The following CEPT1 variants were observed in gnomAD, a reference collection of about 807,000 sequenced individuals.
The protein encoded by CEPT1 is choline/ethanolaminephosphotransferase 1.
A neutral mutation model predicts 42.6 loss-of-function variants in CEPT1; 7 were observed. The observed-to-expected ratio is 0.16, with a 90% confidence interval of 0.09 to 0.31. The LOEUF (loss-of-function observed/expected upper bound fraction) is 0.31. Ranked by LOEUF, CEPT1 falls within the 10% of genes least tolerant of loss-of-function variation. The pLI, the probability that CEPT1 is intolerant of heterozygous loss-of-function variation, is 1.00. For synonymous variants in CEPT1, 171 were observed against 171.9 expected, an observed-to-expected ratio of 0.99 and a Z score of 0.04; for missense variants, 306 against 502.1, an observed-to-expected ratio of 0.61 and a Z score of 3.73.
rs538907688 is a variant in CEPT1 at position 111,182,843 on chromosome 1, T to G, written c.891T>G (p.Ile297Met). The G allele has an allele frequency of 6.2e-7, 1 of 1,613,612 alleles. No homozygotes were observed. Among genetic ancestry groups the G allele is most frequent in the South Asian group, 1.1e-5 (1 of 91,062 alleles). ...CTTTTCTCCATATTGGATCAGTGAT[T>G]ACATTAGCTGCAATGATCTACAAGA... ...LSPFLHIGSV[I>M]TLAAMIYKKS... is the part of the protein sequence containing the mutation. Residue 297 changes from isoleucine (I) to methionine (M), a missense_variant, in exon 7 of 9, where the codon ATT becomes ATG. By Grantham distance (10) the Ile-to-Met change is conservative. This residue lies in a region of CEPT1 where 253 missense variants were observed against 447.3 expected (regional missense o/e 0.57). Coordinates refer to ENST00000357172, the MANE Select transcript of CEPT1 (RefSeq NM_006090.5).
chr1:111,184,174 G>GTAT lies in CEPT1; in HGVS notation c.1132-16_1132-15insATT. 6.2e-7 allele frequency: 1 copy of GTAT among 1,612,604 alleles called. No homozygotes were observed. On this transcript the variant is annotated splice_polypyrimidine_tract_variant and intron_variant, in intron 8 of 8. Transcript: ENST00000357172. ...GAGAGCCTAAACGGGTGCTGAGAAT[G>GTAT]TCTCTTTTCTTTCCAGGTTTTCTCT...
intron 4 of CEPT1, among the ~76,000 whole-genome samples, chr1:111,168,989 A>G (rs955336681): frequency 1.3e-5 from 2 of 152,236 alleles, no homozygotes; most frequent in African/African-American, 2.4e-5. Flanking sequence ...TAGAACCTAT[A>G]CACAGCCTCC....
At position 111,162,455 on chromosome 1, in the gene CEPT1, C is replaced by T. The variant is rs1571136412; in HGVS notation, c.629+1159C>T. On this transcript the variant is annotated intron_variant, in intron 4 of 8. Coordinates refer to ENST00000357172, the MANE Select transcript of CEPT1 (RefSeq NM_006090.5). ...GCAGAGACTGAAATGACTCCTAGTT[C>T]CCTTCCTTGGGTGGCTGGATGAAGG... Among the ~76,000 whole-genome samples the T allele has an allele frequency of 2.0e-5, 3 of 152,272 alleles. No individual in the cohort carries two copies. In the South Asian group the frequency reaches 6.2e-4, roughly 32 times the overall value.
chr1:111,158,380 A>T (rs1170521504), intron 2 of CEPT1, among the ~76,000 whole-genome samples: 2 of 152,136 alleles, frequency 1.3e-5, no homozygotes, highest in African/African-American at 4.8e-5. Context: ...TAATTAATTA[A>T]TTTAATACCA....
intron 1 of CEPT1, among the ~76,000 whole-genome samples, chr1:111,147,055 T>C (rs963880866): frequency 1.3e-5 from 2 of 152,234 alleles, no homozygotes; most frequent in African/African-American, 4.8e-5. Flanking sequence ...GACAAGTTAA[T>C]TAGCCTCACT....
intron 4 of CEPT1, among the ~76,000 whole-genome samples, chr1:111,170,492 T>C (rs1251493574): frequency 6.6e-6 from 1 of 152,212 alleles, no homozygotes; most frequent in East Asian, 1.9e-4. Context: ...TATCTCTCAG[T>C]TGTATGGTTA....
intron 4 of CEPT1, among the ~76,000 whole-genome samples, chr1:111,168,426 T>C (rs1656247818): frequency 1.3e-5 from 2 of 152,108 alleles, no homozygotes; most frequent in South Asian, 4.1e-4. Flanking sequence ...AAAAGAATTG[T>C]AAACATTTTA....
chr1:111,139,765 G>A (rs1254249001), upstream of CEPT1: 2 of 152,478 alleles, frequency 1.3e-5, no homozygotes, highest in Admixed American at 1.3e-4. Flanking sequence ...CAGAAAGGTA[G>A]GGCACGGGGA....
intron 5 of CEPT1, among the ~76,000 whole-genome samples, chr1:111,176,201 G>C (rs12404884): frequency 6.6e-6 from 1 of 152,254 alleles, no homozygotes; most frequent in South Asian, 2.1e-4. Context: ...ATATCATTCA[G>C]TTATGTATCT....
intron 2 of CEPT1, among the ~76,000 whole-genome samples, chr1:111,149,316 G>A (rs1226747525): frequency 7.1e-6 from 1 of 141,176 alleles, no homozygotes; most frequent in East Asian, 2.1e-4. Context: ...AGGCTGGAGT[G>A]CAATGGCACT....
intron 2 of CEPT1, among the ~76,000 whole-genome samples, chr1:111,157,714 T>G (rs1034701687): frequency 3.9e-5 from 6 of 152,230 alleles, no homozygotes; most frequent in Non-Finnish European, 8.8e-5. Flanking sequence ...AGTGGAGGTA[T>G]GTGCTAGCTC....
chr1:111,180,403 A>G (rs1656912500), intron 5 of CEPT1: 1 of 152,250 alleles, frequency 6.6e-6, no homozygotes, highest in East Asian at 1.9e-4. Flanking sequence ...TTTATTGAAC[A>G]AGAGCAGAAA....
intron 2 of CEPT1, among the ~76,000 whole-genome samples, chr1:111,154,464 T>C (rs1289959409): frequency 6.6e-6 from 1 of 152,188 alleles, no homozygotes; most frequent in African/African-American, 2.4e-5. Flanking sequence ...TCCTCTTTTC[T>C]AATGTGAATG....
chr1:111,174,812 C>A, intron 4 of CEPT1, 67 bp from the exon 5 acceptor site: 1 of 957,080 alleles, frequency 1.0e-6, no homozygotes, highest in Non-Finnish European at 1.7e-6. Context: ...TGCTGCTAAG[C>A]TTGCAAGTAA....
chr1:111,181,541 C>CA (rs1485071949), intron 5 of CEPT1: 3 of 152,188 alleles, frequency 2.0e-5, no homozygotes, highest in African/African-American at 7.2e-5. Context: ...ATTTAAACTT[C>CA]AAAATTTTGT....
chr1:111,152,984 A>G (rs907539222), intron 2 of CEPT1, among the ~76,000 whole-genome samples: 27 of 152,068 alleles, frequency 1.8e-4, no homozygotes, highest in African/African-American at 6.0e-4. Context: ...AATATTCCAG[A>G]TCCTCTCTTC....
In CEPT1 at chr1:111,157,549, TA is replaced by T. The variant is rs569055216; in HGVS notation, c.340-1830del. Among the ~76,000 whole-genome samples, 1,218 of 152,356 alleles carry T rather than the reference TA, an allele frequency of 8.0e-3. 16 individuals carry two copies. Among genetic ancestry groups the T allele is most frequent in the African/African-American group, 0.028 (1,168 of 41,580 alleles). On this transcript the variant is annotated intron_variant, in intron 2 of 8. Coordinates refer to ENST00000357172, the MANE Select transcript of CEPT1 (RefSeq NM_006090.5). The stretch of plus-strand genomic sequence containing the variant: ...GCAAGATAGCGCAGCTCTAGAGAGT[TA>T]CTGGATTCCTTTAGGAGCAAGAAGC...
chr1:111,149,755 T>G (rs1291645850), intron 2 of CEPT1, among the ~76,000 whole-genome samples: 4 of 152,212 alleles, frequency 2.6e-5, no homozygotes, highest in African/African-American at 9.7e-5. Context: ...AGAGATATAG[T>G]AGAACAACAG....
chr1:111,183,377 T>C, intron 7 of CEPT1, 85 bp from the exon 8 acceptor site: 1 of 1,428,858 alleles, frequency 7.0e-7, no homozygotes, highest in East Asian at 2.3e-5. Context: ...TATTGGAAGT[T>C]GATATCTGAG....
Sources: allele counts gnomAD v4.1 joint callset (sites outside exome capture counted in the v4.1 genomes callset), GRCh38; gene constraint gnomAD v4.1.1; regional missense constraint gnomAD v4.1.1; transcripts MANE v1.5; gene names NCBI Gene and HGNC (gene_info 2026-07-23, HGNC 2026-07-21).